CSTPP1: variants seen among roughly 807,000 people sequenced by gnomAD.
CSTPP1 encodes the protein UPF0705 protein C11orf49.
At chr11:47,125,934 T>A in the CSTPP1 span, among the ~76,000 whole-genome samples, 1 of 151,990 alleles carries the variant, frequency 6.6e-6, no homozygotes, top group Non-Finnish European at 1.5e-5. Context: ...TGAGAATTGC[T>A]TGAACCCAGG....
the CSTPP1 span, among the ~76,000 whole-genome samples, chr11:47,135,395 G>A: frequency 6.6e-6 from 1 of 152,132 alleles, no homozygotes; most frequent in Non-Finnish European, 1.5e-5. Flanking sequence ...CTGGTGAATC[G>A]CAGAGCCAAA....
At chr11:47,122,522 AT>A in the CSTPP1 span, among the ~76,000 whole-genome samples, 1 of 152,166 alleles carries the variant, frequency 6.6e-6, no homozygotes, top group Non-Finnish European at 1.5e-5. Flanking sequence ...TTAAGATACA[AT>A]TTATATACCA....
At chr11:47,005,718 T>G in the CSTPP1 span, among the ~76,000 whole-genome samples, 1 of 152,168 alleles carries the variant, frequency 6.6e-6, no homozygotes, top group Non-Finnish European at 1.5e-5. Context: ...TGGTATGAGA[T>G]CTTGGGCAGA....
At chr11:47,055,397 G>T in the CSTPP1 span, among the ~76,000 whole-genome samples, 1 of 132,216 alleles carries the variant, frequency 7.6e-6, no homozygotes, top group Non-Finnish European at 1.6e-5. Context: ...CCCCACTGAG[G>T]TTATAGTCAG....
chr11:47,161,173 T>A, the CSTPP1 span: 1 of 1,614,124 alleles, frequency 6.2e-7, no homozygotes, highest in Non-Finnish European at 8.5e-7. Flanking sequence ...CAGCAATGGA[T>A]GAAGAGCTGG....
the CSTPP1 span, among the ~76,000 whole-genome samples, chr11:47,025,878 T>C: frequency 2.6e-5 from 4 of 152,186 alleles, no homozygotes; most frequent in Non-Finnish European, 4.4e-5. Flanking sequence ...GAAATTAGAA[T>C]TGAGTTTAAA....
At chr11:47,114,359 A>G in the CSTPP1 span, among the ~76,000 whole-genome samples, 1 of 152,168 alleles carries the variant, frequency 6.6e-6, no homozygotes, top group African/African-American at 2.4e-5. Flanking sequence ...ATGAACTTTA[A>G]AGTAATTTTT....
chr11:47,059,052 T>C, the CSTPP1 span, among the ~76,000 whole-genome samples: 2 of 152,174 alleles, frequency 1.3e-5, no homozygotes, highest in Non-Finnish European at 2.9e-5. Context: ...GGGACATGGA[T>C]GAAGCTGGAA....
the CSTPP1 span, among the ~76,000 whole-genome samples, chr11:47,062,892 G>A: frequency 6.6e-6 from 1 of 152,176 alleles, no homozygotes; most frequent in Admixed American, 6.6e-5. Flanking sequence ...CCACATTCCT[G>A]CAGGGAGACA....
At chr11:47,058,856 G>T in the CSTPP1 span, among the ~76,000 whole-genome samples, 1 of 152,302 alleles carries the variant, frequency 6.6e-6, no homozygotes. Flanking sequence ...TGCATGACAG[G>T]CTGGAAATAC....
At chr11:47,054,310 CAAAAAAA>C in the CSTPP1 span, among the ~76,000 whole-genome samples, 7 of 41,572 alleles carry the variant, frequency 1.7e-4, no homozygotes, top group Non-Finnish European at 3.0e-4. Context: ...TACTCCGTCT[CAAAAAAA>C]AAAAAAAAAA....
At chr11:46,936,727 G>C in the CSTPP1 span, 1 of 1,584,318 alleles carries the variant, frequency 6.3e-7, no homozygotes, top group Non-Finnish European at 8.6e-7. Flanking sequence ...CCGCGTGGGT[G>C]CCATGGCAAC....
At chr11:46,997,365 T>C in the CSTPP1 span, among the ~76,000 whole-genome samples, 5 of 152,194 alleles carry the variant, frequency 3.3e-5, no homozygotes, top group Admixed American at 3.3e-4. Context: ...GAAGCTTGTG[T>C]GTGTGTCACA....
chr11:47,056,062 T>C, the CSTPP1 span, among the ~76,000 whole-genome samples: 45 of 152,334 alleles, frequency 3.0e-4, no homozygotes, highest in Middle Eastern at 6.8e-3. Flanking sequence ...CGTCTCTCAG[T>C]CTATGCAGGG....
the CSTPP1 span, among the ~76,000 whole-genome samples, chr11:47,080,304 A>C: frequency 6.6e-6 from 1 of 151,964 alleles, no homozygotes; most frequent in Non-Finnish European, 1.5e-5. Flanking sequence ...AAATACAAAA[A>C]ATTAGCCAGG....
the CSTPP1 span, chr11:46,936,779 G>T: frequency 6.2e-7 from 1 of 1,609,992 alleles, no homozygotes; most frequent in East Asian, 2.3e-5. Context: ...CGGAGAGCTG[G>T]AGCTTTGAAG....
At chr11:47,013,321 G>C in the CSTPP1 span, among the ~76,000 whole-genome samples, 13 of 151,948 alleles carry the variant, frequency 8.6e-5, no homozygotes, top group South Asian at 2.7e-3. Flanking sequence ...GTGTGCCATG[G>C]TGATTTGCTG....
the CSTPP1 span, among the ~76,000 whole-genome samples, chr11:47,097,935 G>A: frequency 2.5e-5 from 1 of 39,284 alleles, no homozygotes; most frequent in African/African-American, 1.1e-4. Context: ...AGTAGACATG[G>A]GAGACTTTTC....
chr11:46,940,643 A>G, the CSTPP1 span, among the ~76,000 whole-genome samples: 1 of 152,178 alleles, frequency 6.6e-6, no homozygotes. Context: ...AGCTATATAT[A>G]TACACATATA....
Sources: gnomAD v4.1 joint callset for allele counts (sites outside exome capture counted in the v4.1 genomes callset) on GRCh38, gnomAD v4.1.1 for gene constraint, MANE v1.5 for transcripts, NCBI Gene and HGNC (gene_info 2026-07-23, HGNC 2026-07-21) for gene names.